Variants in MIR2052HG observed in about 807,000 individuals in gnomAD.
MIR2052HG encodes MIR2052 host gene.
intron 4 of MIR2052HG, among the ~76,000 whole-genome samples, chr8:74,715,180 G>C (rs1216496688): frequency 6.6e-6 from 1 of 152,174 alleles, no homozygotes; most frequent in Non-Finnish European, 1.5e-5. Flanking sequence ...AACTGTGTGT[G>C]TATGAAAAAA....
At chr8:74,641,014 G>A (rs1171423576) in intron 2 of MIR2052HG, among the ~76,000 whole-genome samples, 1 of 152,116 alleles carries the variant, frequency 6.6e-6, no homozygotes, top group Non-Finnish European at 1.5e-5. Context: ...CATTTTAGTG[G>A]CCAACAATAT....
chr8:74,700,654 A>G (rs994689605), intron 2 of MIR2052HG, among the ~76,000 whole-genome samples: 3 of 152,136 alleles, frequency 2.0e-5, no homozygotes, highest in Non-Finnish European at 4.4e-5. Context: ...TGGGCAGTCT[A>G]CACTTATAGA....
intron 4 of MIR2052HG, among the ~76,000 whole-genome samples, chr8:74,718,035 T>C (rs1809538109): frequency 6.6e-6 from 1 of 152,208 alleles, no homozygotes; most frequent in African/African-American, 2.4e-5. Flanking sequence ...ACATTTTTGT[T>C]AAGTGTAGCA....
chr8:74,690,260 C>G (rs1809225601), intron 2 of MIR2052HG, among the ~76,000 whole-genome samples: 1 of 152,104 alleles, frequency 6.6e-6, no homozygotes. Context: ...AAAAATTACT[C>G]TCTTTGGTAT....
intron 2 of MIR2052HG, among the ~76,000 whole-genome samples, chr8:74,655,443 G>A (rs1808795440): frequency 6.6e-6 from 1 of 152,106 alleles, no homozygotes; most frequent in Admixed American, 6.5e-5. Flanking sequence ...TGCAGCCTAG[G>A]GACTTAGTGC....
At chr8:74,690,965 C>T (rs114593007) in intron 2 of MIR2052HG, among the ~76,000 whole-genome samples, 2,201 of 152,188 alleles carry the variant, frequency 0.014, 55 homozygotes, top group African/African-American at 0.047. Context: ...TTCACTGAGT[C>T]CCATAATTTT....
At chr8:74,649,108 A>C (rs988054260) in intron 2 of MIR2052HG, among the ~76,000 whole-genome samples, 4 of 151,912 alleles carry the variant, frequency 2.6e-5, no homozygotes, top group African/African-American at 9.7e-5. Flanking sequence ...TAGTAAACTG[A>C]TGTTTGTGGC....
At chr8:74,652,007 G>C (rs1250886756) in intron 2 of MIR2052HG, among the ~76,000 whole-genome samples, 1 of 152,152 alleles carries the variant, frequency 6.6e-6, no homozygotes, top group East Asian at 1.9e-4. Flanking sequence ...ATTGCTGACT[G>C]TCTCGCCTTA....
chr8:74,638,556 G>A (rs867889563), intron 2 of MIR2052HG, among the ~76,000 whole-genome samples: 2 of 152,140 alleles, frequency 1.3e-5, no homozygotes, highest in Non-Finnish European at 2.9e-5. Flanking sequence ...TAGAAATGGA[G>A]AGTAGATAAT....
intron 1 of MIR2052HG, among the ~76,000 whole-genome samples, chr8:74,606,178 T>C (rs896347409): frequency 6.6e-6 from 1 of 152,198 alleles, no homozygotes; most frequent in Non-Finnish European, 1.5e-5. Context: ...TTGGGTGTTA[T>C]CAATCGGATG....
At chr8:74,749,055 A>G (rs1809916131) in intron 4 of MIR2052HG, among the ~76,000 whole-genome samples, 1 of 152,168 alleles carries the variant, frequency 6.6e-6, no homozygotes, top group African/African-American at 2.4e-5. Flanking sequence ...TTTTTTTGAT[A>G]GCTATAATGA....
At chr8:74,613,448 A>T (rs1342649080) in intron 2 of MIR2052HG, among the ~76,000 whole-genome samples, 1 of 152,164 alleles carries the variant, frequency 6.6e-6, no homozygotes, top group Non-Finnish European at 1.5e-5. Context: ...ACTGAATGGG[A>T]TGGAGATAAA....
chr8:74,684,102 G>A (rs1299973737), intron 2 of MIR2052HG, among the ~76,000 whole-genome samples: 1 of 152,074 alleles, frequency 6.6e-6, no homozygotes, highest in Non-Finnish European at 1.5e-5. Context: ...AGAGGTCCCG[G>A]TGTCCTTGAG....
chr8:74,704,336 T>TG, intron 4 of MIR2052HG, among the ~76,000 whole-genome samples: 1 of 152,144 alleles, frequency 6.6e-6, no homozygotes, highest in Non-Finnish European at 1.5e-5. Context: ...AAGGGACACA[T>TG]GCAATAGTTT....
chr8:74,604,894 G>A (rs1161319984), intron 1 of MIR2052HG, among the ~76,000 whole-genome samples: 2 of 151,948 alleles, frequency 1.3e-5, no homozygotes, highest in Non-Finnish European at 2.9e-5. Context: ...GCACCCGGCC[G>A]TTTCTTTACT....
At chr8:74,673,840 A>C (rs1809018805) in intron 2 of MIR2052HG, among the ~76,000 whole-genome samples, 1 of 147,648 alleles carries the variant, frequency 6.8e-6, no homozygotes, top group African/African-American at 2.5e-5. Flanking sequence ...TTTTGATGCC[A>C]ATTTGGAGCT....
chr8:74,692,540 C>T (rs76555238), intron 2 of MIR2052HG, among the ~76,000 whole-genome samples: 10,153 of 152,198 alleles, frequency 0.067, 684 homozygotes, highest in African/African-American at 0.17. Flanking sequence ...ATTTGTATAT[C>T]AAATACACTG....
intron 4 of MIR2052HG, among the ~76,000 whole-genome samples, chr8:74,714,009 ACT>A (rs1187346259): frequency 7.3e-5 from 11 of 150,976 alleles, no homozygotes; most frequent in Admixed American, 4.0e-4. Context: ...CTCCTAAGAG[ACT>A]CTCTCTTAGG....
chr8:74,629,038 CGAGGACTTT>C (rs1199255428), intron 2 of MIR2052HG, among the ~76,000 whole-genome samples: 1 of 152,018 alleles, frequency 6.6e-6, no homozygotes, highest in Non-Finnish European at 1.5e-5. Flanking sequence ...TTTTATTGAA[CGAGGACTTT>C]TTGAGTTCCT....
Sources: gnomAD v4.1 joint callset for allele counts (sites outside exome capture counted in the v4.1 genomes callset) on GRCh38, gnomAD v4.1.1 for gene constraint, MANE v1.5 for transcripts, NCBI Gene and HGNC (gene_info 2026-07-23, HGNC 2026-07-21) for gene names.